PRKCB: variants seen among roughly 807,000 people sequenced by gnomAD.
PRKCB encodes protein kinase C beta type.
A neutral mutation model predicts 81.5 loss-of-function variants in PRKCB; 13 were observed. That is an observed-to-expected ratio of 0.16 (90% CI 0.10 to 0.25). The LOEUF is 0.25. PRKCB is among the 10% of genes least tolerant of loss of function. PRKCB has a pLI of 1.00. For missense variants in PRKCB, 509 were observed against 875.7 expected (o/e 0.58, Z 5.29); for synonymous variants, 335 against 321.4 (o/e 1.04, Z -0.45).
At chr16:23,987,105 C>G (rs992382077) in intron 2 of PRKCB, among the ~76,000 whole-genome samples, 1 of 151,802 alleles carries the variant, frequency 6.6e-6, no homozygotes, top group African/African-American at 2.4e-5. Flanking sequence ...GGTTTTTTTC[C>G]ACTTAGAATC....
chr16:23,920,643 A>C (rs1186324440), intron 2 of PRKCB, among the ~76,000 whole-genome samples: 1 of 152,188 alleles, frequency 6.6e-6, no homozygotes, highest in Non-Finnish European at 1.5e-5. Context: ...GTGTGGGAGC[A>C]GAGAGTGGCA....
At chr16:24,104,705 C>A (rs415587) in intron 7 of PRKCB, among the ~76,000 whole-genome samples, 104,206 of 151,926 alleles carry the variant, frequency 0.69, 35,993 homozygotes, top group African/African-American at 0.76. Flanking sequence ...TCTTAGGCAG[C>A]GAGGACGGCA....
intron 16 of PRKCB, among the ~76,000 whole-genome samples, chr16:24,200,669 G>A (rs557910616): frequency 2.9e-4 from 44 of 152,290 alleles, no homozygotes; most frequent in African/African-American, 8.7e-4. Flanking sequence ...GAGAGTATGC[G>A]TGCATGTGTG....
At chr16:24,001,096 A>G (rs1019671253) in intron 3 of PRKCB, among the ~76,000 whole-genome samples, 4 of 152,122 alleles carry the variant, frequency 2.6e-5, no homozygotes, top group Admixed American at 6.6e-5. Context: ...ATCATTATTA[A>G]TGTCTGGAGG....
intron 2 of PRKCB, among the ~76,000 whole-genome samples, chr16:23,981,580 C>T (rs1432841353): frequency 1.0e-4 from 3 of 29,204 alleles, no homozygotes; most frequent in Admixed American, 2.8e-4. Context: ...CTTTCTTTTC[C>T]TTTCCTTTCC....
In PRKCB at chr16:24,189,534, C is replaced by T. The variant is rs1329976406; in HGVS notation, c.1723-1556C>T. Among the ~76,000 whole-genome samples, 17 of 149,394 alleles carry T rather than the reference C, an allele frequency of 1.1e-4. No individual in the cohort carries two copies. The South Asian group carries it at 1.3e-3, about 11-fold the overall frequency. ...GTGGGCGCCTGTAATCCCAGCTACT[C>T]GGGAGGCTGAGGCAGGAGAATGGCG... On this transcript the variant is annotated intron_variant, in intron 15 of 16. Coordinates refer to ENST00000643927, the MANE Select transcript of PRKCB (RefSeq NM_002738.7).
At chr16:24,160,918 C>T (rs374967547) in intron 10 of PRKCB, among the ~76,000 whole-genome samples, 8 of 152,098 alleles carry the variant, frequency 5.3e-5, no homozygotes, top group South Asian at 4.1e-4. Context: ...GAGCATGCTC[C>T]GCGTGTTTGA....
intron 5 of PRKCB, among the ~76,000 whole-genome samples, chr16:24,040,216 C>G (rs928635700): frequency 6.6e-6 from 1 of 152,166 alleles, no homozygotes; most frequent in Non-Finnish European, 1.5e-5. Flanking sequence ...AAAAACCCAT[C>G]AATGGTTTCC....
chr16:23,910,911 A>G (rs1211351837), intron 2 of PRKCB, among the ~76,000 whole-genome samples: 1 of 152,054 alleles, frequency 6.6e-6, no homozygotes. Context: ...TTTTGTATAA[A>G]TAGAATCATA....
In PRKCB at chr16:24,216,696, T is replaced by C; in HGVS notation, c.*1880T>C. The C allele has an allele frequency of 1.0e-6, 1 of 985,484 alleles. No homozygotes were observed. 61.0% of individuals were successfully genotyped at this position (985,484 alleles called of 1,614,324 possible). The stretch of plus-strand genomic sequence containing the variant: ...TGGGGACCGTCCCTGCTGTCCCCAC[T>C]GTGGTGGCAATCAGGACCTAAGGTG... On this transcript the variant is annotated 3_prime_UTR_variant, in exon 17 of 17. Transcript: ENST00000643927.
chr16:23,965,571 T>G (rs2141795839), intron 2 of PRKCB, among the ~76,000 whole-genome samples: 1 of 152,332 alleles, frequency 6.6e-6, no homozygotes, highest in African/African-American at 2.4e-5. Context: ...TGAATTTCTA[T>G]GAACAAATAT....
intron 2 of PRKCB, among the ~76,000 whole-genome samples, chr16:23,849,063 T>C (rs958800364): frequency 2.6e-5 from 4 of 152,060 alleles, no homozygotes; most frequent in African/African-American, 9.7e-5. Context: ...GCCGGAGAGG[T>C]GATTTGAGTG....
At chr16:24,121,884 G>T (rs1966802375) in intron 8 of PRKCB, among the ~76,000 whole-genome samples, 1 of 152,188 alleles carries the variant, frequency 6.6e-6, no homozygotes, top group East Asian at 1.9e-4. Context: ...TTGAAAAGGT[G>T]ATGAATGTTT....
intron 9 of PRKCB, among the ~76,000 whole-genome samples, chr16:24,135,864 G>A (rs1966862941): frequency 6.6e-6 from 1 of 152,136 alleles, no homozygotes; most frequent in African/African-American, 2.4e-5. Context: ...ACTTCAGCCT[G>A]CTTTGCTATC....
chr16:23,931,451 G>T (rs1963973983), intron 2 of PRKCB, among the ~76,000 whole-genome samples: 1 of 152,216 alleles, frequency 6.6e-6, no homozygotes, highest in Admixed American at 6.5e-5. Flanking sequence ...AGGGACCCCT[G>T]TGTGGGAAAG....
Position 24,218,440 on chromosome 16 carries a change from C to T in PRKCB, c.*3624C>T. ...GATGGACCCTACCCAGGAAACAGCT[C>T]CATCAGCATCTTAGCCTGCCCCACT... On this transcript the variant is annotated 3_prime_UTR_variant, in exon 17 of 17. Coordinates refer to ENST00000643927, the MANE Select transcript of PRKCB (RefSeq NM_002738.7). 1.0e-6 allele frequency: 1 copy of T among 985,384 alleles called. No individual in the cohort carries two copies. The highest frequency in any genetic ancestry group is 4.7e-5 in the South Asian group (1 of 21,280). 61.0% of individuals were successfully genotyped at this position (985,384 alleles called of 1,614,324 possible). A position where few individuals can be genotyped will look rare whatever the true frequency, so the allele number is the denominator to read the frequency against.
chr16:24,019,564 G>A (rs1965331561), intron 3 of PRKCB, among the ~76,000 whole-genome samples: 1 of 152,072 alleles, frequency 6.6e-6, no homozygotes. Flanking sequence ...GAGCTCAGGC[G>A]ACCAGCCTGA....
At chr16:24,050,744 C>A (rs1287666950) in intron 5 of PRKCB, among the ~76,000 whole-genome samples, 2 of 152,134 alleles carry the variant, frequency 1.3e-5, no homozygotes, top group Non-Finnish European at 2.9e-5. Flanking sequence ...CATGACCCGC[C>A]GCTTGAAAAA....
intron 9 of PRKCB, among the ~76,000 whole-genome samples, chr16:24,148,541 A>G (rs943570080): frequency 7.2e-5 from 11 of 152,208 alleles, no homozygotes; most frequent in South Asian, 2.1e-4. Context: ...GGAAGGCCCA[A>G]TGAATTCCAT....
Sources: gnomAD v4.1 joint callset for allele counts (sites outside exome capture counted in the v4.1 genomes callset) on GRCh38, gnomAD v4.1.1 for gene constraint, MANE v1.5 for transcripts, NCBI Gene and HGNC (gene_info 2026-07-23, HGNC 2026-07-21) for gene names.